FAM135B: variants seen among roughly 807,000 people sequenced by gnomAD.
The protein encoded by FAM135B is family with sequence similarity 135 member B, also known as protein FAM135B.
A neutral mutation model predicts 127.7 loss-of-function variants in FAM135B; 43 were observed. That is an observed-to-expected ratio of 0.34 (90% CI 0.26 to 0.43). The LOEUF (loss-of-function observed/expected upper bound fraction) is 0.43, where lower values mean the gene tolerates loss of function less well. Among genes scored for constraint, FAM135B ranks in the 20% least tolerant of loss-of-function variants. FAM135B has a pLI of 1.00. For synonymous variants in FAM135B, 670 were observed against 665.1 expected (o/e 1.01, Z -0.11); for missense variants, 1,558 against 1,725.6 (o/e 0.90, Z 1.72).
At chr8:138,254,689 C>T (rs1443223884) in intron 5 of FAM135B, among the ~76,000 whole-genome samples, 2 of 152,128 alleles carry the variant, frequency 1.3e-5, no homozygotes, top group African/African-American at 4.8e-5. Context: ...CACTATCCTG[C>T]TAAGGAGAAA....
chr8:138,265,960 C>G (rs1162818762), intron 3 of FAM135B, 118 bp from the exon 4 acceptor site: 7 of 1,086,370 alleles, frequency 6.4e-6, no homozygotes, highest in Non-Finnish European at 3.9e-6. Context: ...TTCCAATTTC[C>G]AAAGCTTAAA....
intron 7 of FAM135B, among the ~76,000 whole-genome samples, chr8:138,221,003 A>G (rs1363815669): frequency 6.6e-6 from 1 of 152,176 alleles, no homozygotes; most frequent in East Asian, 1.9e-4. Flanking sequence ...GAGACCTACT[A>G]TTGTTTATTC....
Position 138,163,992 on chromosome 8 carries a change from C to A in FAM135B, c.1258+3903G>T, listed in dbSNP as rs1425019018. On this transcript the variant is annotated intron_variant, in intron 12 of 19. Transcript: ENST00000395297. ...TACAGGTGTGAGCCACCATGCCCAG[C>A]AAATGCTATTATTTTAACATAGAAA... Among the ~76,000 whole-genome samples the A allele has an allele frequency of 4.6e-5, 7 of 152,264 alleles. No homozygotes were observed. In the East Asian group the frequency reaches 1.4e-3, roughly 29 times the overall value.
intron 2 of FAM135B, among the ~76,000 whole-genome samples, chr8:138,350,767 A>G (rs909211556): frequency 1.3e-5 from 2 of 152,196 alleles, no homozygotes; most frequent in Non-Finnish European, 2.9e-5. Context: ...TTCATACATT[A>G]AGGAAGCTAA....
intron 1 of FAM135B, among the ~76,000 whole-genome samples, chr8:138,414,115 AATACATAT>A (rs759722961): frequency 2.4e-5 from 2 of 83,248 alleles, no homozygotes; most frequent in Admixed American, 2.0e-4. Context: ...TTCACACACA[AATACATAT>A]ATATATATAT....
At chr8:138,399,832 T>C (rs1833052843) in intron 1 of FAM135B, among the ~76,000 whole-genome samples, 1 of 152,114 alleles carries the variant, frequency 6.6e-6, no homozygotes, top group African/African-American at 2.4e-5. Flanking sequence ...ATGATCAAAA[T>C]ATTCATGTCA....
intron 7 of FAM135B, 91 bp from the exon 8 acceptor site, chr8:138,197,760 T>C: frequency 7.1e-7 from 1 of 1,407,878 alleles, no homozygotes; most frequent in Non-Finnish European, 9.7e-7. Flanking sequence ...CGCACCAACA[T>C]TCACAAAATG....
intron 12 of FAM135B, among the ~76,000 whole-genome samples, chr8:138,164,667 C>G (rs1439883028): frequency 2.0e-5 from 3 of 152,186 alleles, no homozygotes; most frequent in African/African-American, 7.2e-5. Context: ...AAAGCCCCCT[C>G]CCCGCTTAGA....
intron 1 of FAM135B, among the ~76,000 whole-genome samples, chr8:138,368,402 C>T (rs1462909247): frequency 1.3e-5 from 2 of 152,142 alleles, no homozygotes; most frequent in Admixed American, 1.3e-4. Flanking sequence ...CTCCCATCTT[C>T]AGTGTTCTCA....
chr8:138,236,399 T>TATAC (rs367942427), intron 7 of FAM135B, among the ~76,000 whole-genome samples: 2 of 144,694 alleles, frequency 1.4e-5, no homozygotes, highest in Admixed American at 1.4e-4. Context: ...CACACACACA[T>TATAC]ACACACACAC....
intron 1 of FAM135B, among the ~76,000 whole-genome samples, chr8:138,448,691 T>C (rs1836327657): frequency 6.6e-6 from 1 of 151,860 alleles, no homozygotes; most frequent in East Asian, 1.9e-4. Context: ...TGATCTCATA[T>C]AATAATATCA....
At chr8:138,410,075 G>T (rs1388757482) in intron 1 of FAM135B, among the ~76,000 whole-genome samples, 2 of 152,088 alleles carry the variant, frequency 1.3e-5, no homozygotes, top group African/African-American at 4.8e-5. Context: ...AGAGTGAAAA[G>T]GTTCTGCAGC....
intron 3 of FAM135B, among the ~76,000 whole-genome samples, chr8:138,304,598 A>G (rs2130861043): frequency 6.6e-6 from 1 of 152,322 alleles, no homozygotes; most frequent in Non-Finnish European, 1.5e-5. Context: ...AGGAAGGGGT[A>G]GGCATTCAAA....
chr8:138,279,818 A>G (rs1288538681), intron 3 of FAM135B, among the ~76,000 whole-genome samples: 1 of 152,178 alleles, frequency 6.6e-6, no homozygotes, highest in African/African-American at 2.4e-5. Context: ...ACTTAAGGGC[A>G]TAGACATTAA....
chr8:138,151,692 C>A lies in FAM135B; in HGVS notation c.2783G>T (p.Gly928Val), dbSNP rs755060753. ...LSNSGISEVE[G>V]LSQHQVPELS... ...TTCAGGCACCTGATGTTGAGAGAGA[C>A]CCTCAACCTCTGAGATGCCACTGTT... Residue 928 changes from glycine (G) to valine (V), a missense_variant, in exon 13 of 20, where the codon GGT (glycine) becomes GTT (valine). Physicochemically the swap from Gly to Val is moderately radical, Grantham distance 109 (BLOSUM62 -3). Around this residue, in one of 5 missense-constraint regions of FAM135B, gnomAD observed 923 missense variants for 865.3 expected, o/e 1.07. Coordinates refer to ENST00000395297, the MANE Select transcript of FAM135B (RefSeq NM_015912.4). The A allele has an allele frequency of 1.2e-6, 2 of 1,614,174 alleles. No individual in the cohort carries two copies. The highest frequency in any genetic ancestry group is 1.7e-5 in the Admixed American group (1 of 60,028).
At chr8:138,228,861 T>G (rs1224636581) in intron 7 of FAM135B, among the ~76,000 whole-genome samples, 1 of 152,216 alleles carries the variant, frequency 6.6e-6, no homozygotes, top group African/African-American at 2.4e-5. Flanking sequence ...CTGCAGCATC[T>G]GTTCTTCCTG....
At chr8:138,256,592 C>A in intron 5 of FAM135B, 97 bp downstream of exon 5, 1 of 964,218 alleles carries the variant, frequency 1.0e-6, no homozygotes, top group Non-Finnish European at 1.6e-6. Flanking sequence ...ATCTGAGAGA[C>A]GTTCTGAGGT....
chr8:138,449,414 G>A (rs771728612), intron 1 of FAM135B, among the ~76,000 whole-genome samples: 1 of 152,066 alleles, frequency 6.6e-6, no homozygotes, highest in African/African-American at 2.4e-5. Flanking sequence ...GGCTCTGAGA[G>A]AGGACGGAGC....
Position 138,241,913 on chromosome 8 carries a change from G to C in FAM135B, c.669+1029C>G, listed in dbSNP as rs1820810966. Among the ~76,000 whole-genome samples the C allele has an allele frequency of 6.6e-6, 1 of 152,124 alleles. No homozygotes were observed. Among genetic ancestry groups the C allele is most frequent in the Non-Finnish European group, 1.5e-5 (1 of 68,022 alleles). ...ATCCAATCCATTGAGGGCCTGAATA[G>C]GACAAAAAGACTGAGTGAGAGAAAA... On this transcript the variant is annotated intron_variant, in intron 7 of 19. Transcript: ENST00000395297. The surrounding 1 kb of genome is among the most constrained non-coding windows in gnomAD (Gnocchi z 4.8).
Sources: allele counts gnomAD v4.1 joint callset (sites outside exome capture counted in the v4.1 genomes callset), GRCh38; gene constraint gnomAD v4.1.1; regional missense constraint gnomAD v4.1.1; non-coding constraint Gnocchi (gnomAD v3.1); transcripts MANE v1.5; gene names NCBI Gene and HGNC (gene_info 2026-07-23, HGNC 2026-07-21).